The following CACNA2D3 variants were observed in gnomAD, a reference collection of about 807,000 sequenced individuals.
CACNA2D3 encodes calcium voltage-gated channel auxiliary subunit alpha2delta 3.
A neutral mutation model predicts 160.6 loss-of-function variants in CACNA2D3; 60 were observed. The ratio of observed to expected loss-of-function variants is 0.37; its 90% confidence interval spans 0.30 to 0.46. CACNA2D3 has a LOEUF of 0.46. CACNA2D3 is among the 20% of genes least tolerant of loss of function. The probability of loss-of-function intolerance (pLI) is 1.00; values close to 1 mark genes in which losing one functional copy is unlikely to be tolerated. For missense variants in CACNA2D3, 1,205 were observed against 1,365.0 expected, an observed-to-expected ratio of 0.88 and a Z score of 1.85; for synonymous variants, 558 against 492.9, an observed-to-expected ratio of 1.13 and a Z score of -1.75.
In CACNA2D3 at chr3:54,473,199, A is replaced by C. The variant is rs368381308; in HGVS notation, c.382-30293A>C. 3.9e-5 allele frequency among the ~76,000 whole-genome samples: 6 copies of C among 152,308 alleles called. No individual in the cohort carries two copies. The East Asian group carries it at 1.2e-3, about 29-fold the overall frequency. On this transcript the variant is annotated intron_variant, in intron 4 of 37. Transcript: ENST00000474759. ...CCAAAACAGATATATAGACCAATGA[A>C]ACAGAACAGAGGCCTCCGAAATAAT...
At chr3:54,917,017 T>G (rs1297060455) in intron 27 of CACNA2D3, among the ~76,000 whole-genome samples, 3 of 152,222 alleles carry the variant, frequency 2.0e-5, no homozygotes, top group Non-Finnish European at 4.4e-5. Flanking sequence ...TGCCATTCTC[T>G]GCTTTTAACA....
intron 3 of CACNA2D3, among the ~76,000 whole-genome samples, chr3:54,359,481 G>C (rs1049837467): frequency 2.6e-5 from 4 of 152,094 alleles, no homozygotes; most frequent in African/African-American, 9.7e-5. Flanking sequence ...CTAGGCTCAC[G>C]CTAGGAACTC....
At chr3:54,842,479 A>G (rs1698839803) in intron 16 of CACNA2D3, among the ~76,000 whole-genome samples, 1 of 152,224 alleles carries the variant, frequency 6.6e-6, no homozygotes, top group African/African-American at 2.4e-5. Context: ...TAGGGACTGT[A>G]GAAGTCAAAG....
At chr3:54,353,449 AG>A (rs1698598577) in intron 3 of CACNA2D3, among the ~76,000 whole-genome samples, 2 of 146,800 alleles carry the variant, frequency 1.4e-5, no homozygotes, top group Admixed American at 1.4e-4. Context: ...AAGAAGGTCC[AG>A]GAATAGCATT....
At chr3:54,247,797 A>G (rs1329100970) in intron 2 of CACNA2D3, among the ~76,000 whole-genome samples, 1 of 152,192 alleles carries the variant, frequency 6.6e-6, no homozygotes, top group East Asian at 1.9e-4. Flanking sequence ...GGGATGTCAC[A>G]TCTGAGAATA....
At chr3:54,842,603 T>C (rs1246348950) in intron 16 of CACNA2D3, among the ~76,000 whole-genome samples, 2 of 93,098 alleles carry the variant, frequency 2.1e-5, no homozygotes, top group Non-Finnish European at 4.9e-5. Context: ...CTTTTTTTTC[T>C]TTTCTTTTTT....
intron 30 of CACNA2D3, among the ~76,000 whole-genome samples, chr3:54,986,759 A>G (rs1575422977): frequency 8.7e-6 from 1 of 115,480 alleles, no homozygotes; most frequent in Non-Finnish European, 1.7e-5. Context: ...ACAAGCTACA[A>G]ATCTTCAGAG....
At chr3:54,926,336 T>A (rs1251232373) in intron 27 of CACNA2D3, among the ~76,000 whole-genome samples, 1 of 152,180 alleles carries the variant, frequency 6.6e-6, no homozygotes, top group Non-Finnish European at 1.5e-5. Flanking sequence ...ACAGAAAAGC[T>A]GAATCACTTG....
chr3:54,455,053 A>T (rs1575464114), intron 4 of CACNA2D3, among the ~76,000 whole-genome samples: 1 of 152,294 alleles, frequency 6.6e-6, no homozygotes, highest in Non-Finnish European at 1.5e-5. Flanking sequence ...TGTGATAAAC[A>T]TGGGGGCGCA....
At chr3:54,864,308 C>A (rs956540902) in intron 17 of CACNA2D3, among the ~76,000 whole-genome samples, 5 of 151,272 alleles carry the variant, frequency 3.3e-5, no homozygotes, top group African/African-American at 1.2e-4. Flanking sequence ...CAGTCTCTCT[C>A]TGTCGCCCAG....
chr3:54,265,372 A>G lies in CACNA2D3; in HGVS notation c.205-55070A>G, dbSNP rs185221430. On this transcript the variant is annotated intron_variant, in intron 2 of 37. Coordinates refer to ENST00000474759, the MANE Select transcript of CACNA2D3 (RefSeq NM_018398.3). ...ATGGACACAGGGAGGGGAACATCACATACCTGGGCCTGTTGGGGTTGGGGG... is the reference window on the plus strand; with the variant it reads ...ATGGACACAGGGAGGGGAACATCACGTACCTGGGCCTGTTGGGGTTGGGGG... Among the ~76,000 whole-genome samples, 228 of 152,192 alleles carry G rather than the reference A, an allele frequency of 1.5e-3. 1 individual carries two copies. Among genetic ancestry groups the G allele is most frequent in the Non-Finnish European group, 1.9e-3 (131 of 68,000 alleles).
rs199901786 is a variant in CACNA2D3, at chr3:55,050,705, T to A, written c.2988-22740T>A. Among the ~76,000 whole-genome samples, 618 of 119,690 alleles carry A rather than the reference T, an allele frequency of 5.2e-3. 1 individual carries two copies. Among genetic ancestry groups the A allele is most frequent in the Middle Eastern group, 0.011 (3 of 262 alleles). 78.5% of individuals were successfully genotyped at this position (119,690 alleles called of 152,430 possible). On this transcript the variant is annotated intron_variant, in intron 35 of 37. Coordinates refer to ENST00000474759, the MANE Select transcript of CACNA2D3 (RefSeq NM_018398.3). ...ATAATATCCTGCAGAGTGTTTTCCA[T>A]CTTGGTTCCATTCTCCCCATCACTT...
chr3:54,278,470 G>C (rs1702794341), intron 2 of CACNA2D3, among the ~76,000 whole-genome samples: 1 of 152,182 alleles, frequency 6.6e-6, no homozygotes, highest in South Asian at 2.1e-4. Context: ...ATTTGACCCA[G>C]TAATCCCATT....
intron 5 of CACNA2D3, among the ~76,000 whole-genome samples, chr3:54,545,942 C>T (rs1295491443): frequency 6.6e-6 from 1 of 152,178 alleles, no homozygotes; most frequent in African/African-American, 2.4e-5. Context: ...TAGGTTTAAG[C>T]AGGTTGGCAT....
At chr3:54,976,348 G>C (rs1334787367) in intron 29 of CACNA2D3, among the ~76,000 whole-genome samples, 2 of 145,142 alleles carry the variant, frequency 1.4e-5, no homozygotes, top group Non-Finnish European at 1.5e-5. Context: ...GGGGGAGGGG[G>C]GAGAGATAGC....
chr3:54,598,590 C>A (rs1432571643), intron 9 of CACNA2D3, among the ~76,000 whole-genome samples: 1 of 152,094 alleles, frequency 6.6e-6, no homozygotes, highest in Admixed American at 6.6e-5. Context: ...CAAGCCTTTC[C>A]CAGGACATCT....
intron 5 of CACNA2D3, among the ~76,000 whole-genome samples, chr3:54,530,039 A>G (rs1001439009): frequency 6.6e-6 from 1 of 152,162 alleles, no homozygotes; most frequent in Non-Finnish European, 1.5e-5. Context: ...CTGGATTCTA[A>G]GCAGCTTGCA....
chr3:54,588,485 C>T (rs775544913), intron 9 of CACNA2D3, among the ~76,000 whole-genome samples: 19 of 152,046 alleles, frequency 1.2e-4, no homozygotes, highest in African/African-American at 2.7e-4. Flanking sequence ...AAAAGGCATA[C>T]GGGTTACAAA....
At chr3:54,367,192 A>G (rs993085577) in intron 3 of CACNA2D3, among the ~76,000 whole-genome samples, 3 of 151,756 alleles carry the variant, frequency 2.0e-5, no homozygotes, top group Non-Finnish European at 4.4e-5. Flanking sequence ...TTTCTTAGAG[A>G]TTTTTTTTTA....
Sources: allele counts gnomAD v4.1 joint callset (sites outside exome capture counted in the v4.1 genomes callset), GRCh38; gene constraint gnomAD v4.1.1; transcripts MANE v1.5; gene names NCBI Gene and HGNC (gene_info 2026-07-23, HGNC 2026-07-21).